Variants in HIPK1 observed in about 807,000 individuals in gnomAD.
The protein encoded by HIPK1 is homeodomain interacting protein kinase 1.
Under a neutral mutation model 117.1 loss-of-function variants are expected in HIPK1, and 28 were observed. The ratio of observed to expected loss-of-function variants is 0.24; its 90% CI spans 0.18 to 0.33. HIPK1 has a LOEUF of 0.33. Among genes scored for constraint, HIPK1 ranks in the 10% least tolerant of loss-of-function variants. The probability of loss-of-function intolerance (pLI) is 1.00; values close to 1 mark genes in which losing one functional copy is unlikely to be tolerated. For missense variants in HIPK1, 1,122 were observed against 1,475.1 expected, an observed-to-expected ratio of 0.76 and a Z score of 3.92; for synonymous variants, 605 against 562.5, an observed-to-expected ratio of 1.08 and a Z score of -1.07.
intron 8 of HIPK1, 44 bp from the exon 9 acceptor site, chr1:113,962,273 C>A: frequency 4.4e-6 from 7 of 1,601,778 alleles, no homozygotes; most frequent in Non-Finnish European, 6.0e-6. Context: ...AACAGTACTC[C>A]CAGACCTTGC....
At chr1:113,939,340 TTTGTTG>T (rs1553266111) in intron 1 of HIPK1, among the ~76,000 whole-genome samples, 1 of 140,962 alleles carries the variant, frequency 7.1e-6, no homozygotes, top group Non-Finnish European at 1.5e-5. Flanking sequence ...TTTTTTTTTT[TTTGTTG>T]TTGTTGTTGT....
In HIPK1 at chr1:113,940,509, T is replaced by C. The variant is rs1446892048; in HGVS notation, c.126T>C (p.Tyr42=). The C allele has an allele frequency of 1.2e-5, 20 of 1,613,980 alleles. No homozygotes were observed. The highest frequency in any genetic ancestry group is 2.2e-5 in the East Asian group (1 of 44,892). ...DVSGQSSNDK[Y]YTHSKTLPAT... ...CAGGACAGAGTAGCAACGACAAATA[T>C]TATACCCACAGCAAAACCCTCCCAG... Residue 42 remains tyrosine, a synonymous_variant, in exon 2 of 16, where the codon TAT becomes TAC. Transcript: ENST00000426820.
intron 10 of HIPK1, among the ~76,000 whole-genome samples, chr1:113,963,759 G>A (rs1571717142): frequency 6.6e-6 from 1 of 152,052 alleles, no homozygotes; most frequent in African/African-American, 2.4e-5. Flanking sequence ...TCTGACTGAT[G>A]GTTATGTGGC....
Position 113,962,408 on chromosome 1 carries a change from A to G in HIPK1, c.2073A>G (p.Pro691=). 6.2e-7 allele frequency: 1 copy of G among 1,613,970 alleles called. No individual in the cohort carries two copies. The highest frequency in any genetic ancestry group is 1.7e-4 in the Middle Eastern group (1 of 6,060). ...PIVPQAPAAQ[P]LQIQSGVLTQ... is the part of the protein sequence containing the mutation. ...TACCCCAGGCACCAGCTGCTCAGCCACTACAGATTCAGTCAGGAGTTCTCA... is the reference window on the plus strand; with the variant it reads ...TACCCCAGGCACCAGCTGCTCAGCCGCTACAGATTCAGTCAGGAGTTCTCA... The change falls in exon 9 of 16, where the codon CCA becomes CCG. Residue 691 remains proline (P), a synonymous_variant. Transcript: ENST00000426820.
At chr1:113,938,929 T>TACACAC (rs55979020) in intron 1 of HIPK1, among the ~76,000 whole-genome samples, 3,963 of 115,420 alleles carry the variant, frequency 0.034, 120 homozygotes, top group African/African-American at 0.059. Context: ...AAAAAAAAAA[T>TACACAC]ACACACACAC....
intron 2 of HIPK1, among the ~76,000 whole-genome samples, chr1:113,943,447 A>C (rs1391230993): frequency 6.6e-6 from 1 of 152,214 alleles, no homozygotes. Context: ...TCCATGCTGT[A>C]ACATGTATCA....
At chr1:113,940,175 G>A (rs797021048) in intron 1 of HIPK1, among the ~76,000 whole-genome samples, 9 of 152,196 alleles carry the variant, frequency 5.9e-5, no homozygotes, top group African/African-American at 2.2e-4. Context: ...CCTGAGCAGA[G>A]TGGATAATCT....
At position 113,963,482 on chromosome 1, in the gene HIPK1, C is replaced by T. The variant is rs765704874; in HGVS notation, c.2199C>T (p.Ala733=). ...YAVPFTLSCA[A]GRPALVEQTA... ...TGCCCTTTACTCTGAGCTGCGCAGC[C>T]GGCCGGCCGGCGCTGGTTGAACAGA... is the stretch of plus-strand genomic sequence containing the variant. Residue 733 remains alanine (A), a synonymous_variant, in exon 10 of 16, where the codon GCC becomes GCT. Transcript: ENST00000426820. 2.7e-5 allele frequency: 44 copies of T among 1,613,966 alleles called. No homozygotes were observed. The highest frequency in any genetic ancestry group is 1.6e-4 in the Middle Eastern group (1 of 6,084).
chr1:113,966,422 G>A (rs1196704527), intron 11 of HIPK1, 150 bp downstream of exon 11: 21 of 613,438 alleles, frequency 3.4e-5, no homozygotes, highest in Non-Finnish European at 5.2e-5. Context: ...CTAGGAGATG[G>A]TGTTATAAGA....
chr1:113,954,886 G>T, intron 4 of HIPK1, 116 bp downstream of exon 4: 1 of 949,852 alleles, frequency 1.1e-6, no homozygotes, highest in Non-Finnish European at 1.6e-6. Flanking sequence ...AGAGGGGGAA[G>T]CATTTTGAAA....
rs974932723 is a variant in HIPK1, at chr1:113,941,835, C to T, written c.1076+376C>T. 6.6e-6 allele frequency among the ~76,000 whole-genome samples: 1 copy of T among 152,172 alleles called. No individual in the cohort carries two copies. Among genetic ancestry groups the T allele is most frequent in the Non-Finnish European group, 1.5e-5 (1 of 68,030 alleles). On this transcript the variant is annotated intron_variant, in intron 2 of 15. Coordinates refer to ENST00000426820, the MANE Select transcript of HIPK1 (RefSeq NM_198268.3). The surrounding 1 kb of genome is among the most constrained non-coding windows in gnomAD (Gnocchi z 4.9). ...AGTGCAGTGGCGTGATATCAGCTCACTGCAAGCCCCACCTCCTGGGTTCAC... is the reference window on the plus strand; with the variant it reads ...AGTGCAGTGGCGTGATATCAGCTCATTGCAAGCCCCACCTCCTGGGTTCAC...
rs1341101551 is a variant in HIPK1 at position 113,973,149 on chromosome 1, A to G, written c.3270A>G (p.Leu1090=). The change falls in exon 16 of 16, where the codon CTA becomes CTG. Residue 1090 remains leucine (L), a synonymous_variant. Coordinates refer to ENST00000426820, the MANE Select transcript of HIPK1 (RefSeq NM_198268.3). ...ACACCTTCCAGCATGGCAGCCCGCT[A>G]CACTCGACAGGGCACCCACACCTTG... The part of the protein sequence containing the change: ...APYTFQHGSP[L]HSTGHPHLAP... 1.2e-6 allele frequency: 2 copies of G among 1,605,486 alleles called. No homozygotes were observed. The highest frequency in any genetic ancestry group is 2.7e-5 in the African/African-American group (2 of 74,858).
Position 113,976,256 on chromosome 1 carries a change from G to A in HIPK1, c.*2744G>A, listed in dbSNP as rs1375200637. On this transcript the variant is annotated 3_prime_UTR_variant, in exon 16 of 16. Transcript: ENST00000426820. ...CTATATTGGTCAAGATAGCCAAGCA[G>A]TTTGTATAATTTCTGTCACTAGTGT... 6.6e-6 allele frequency: 1 copy of A among 152,478 alleles called. No homozygotes were observed. Among genetic ancestry groups the A allele is most frequent in the East Asian group, 1.9e-4 (1 of 5,328 alleles). The allele number at this position is 152,478 out of a possible 1,614,324, so 9.4% of individuals were successfully genotyped here.
chr1:113,940,557 C>A lies in HIPK1; in HGVS notation c.174C>A (p.Ser58=), dbSNP rs756207640. Residue 58 remains serine, a synonymous_variant, in exon 2 of 16, where the codon TCC becomes TCA. Transcript: ENST00000426820. The part of the protein sequence containing the change: ...TLPATQGQAN[S]SHQVANFNIP... ...CAGCCACACAAGGGCAAGCCAACTCCTCTCACCAGGTAGCAAATTTCAACA... is the reference window on the plus strand; with the variant it reads ...CAGCCACACAAGGGCAAGCCAACTCATCTCACCAGGTAGCAAATTTCAACA... 6.2e-7 allele frequency: 1 copy of A among 1,614,190 alleles called. No homozygotes were observed. The highest frequency in any genetic ancestry group is 8.5e-7 in the Non-Finnish European group (1 of 1,180,040).
chr1:113,935,030 T>A (rs1000521447), intron 1 of HIPK1, among the ~76,000 whole-genome samples: 4 of 150,042 alleles, frequency 2.7e-5, no homozygotes, highest in East Asian at 1.9e-4. Flanking sequence ...TTTTTTTTTT[T>A]AAACCTTTAT....
chr1:113,947,231 T>C (rs936442944), intron 2 of HIPK1, among the ~76,000 whole-genome samples: 5 of 152,152 alleles, frequency 3.3e-5, no homozygotes, highest in African/African-American at 1.2e-4. Flanking sequence ...TCACTGTAAA[T>C]GTGCACAGAC....
intron 10 of HIPK1, among the ~76,000 whole-genome samples, chr1:113,964,314 A>G (rs554303524): frequency 6.6e-6 from 1 of 152,358 alleles, no homozygotes; most frequent in Admixed American, 6.5e-5. Context: ...CTTTGTTATT[A>G]AAAGTCATGG....
At chr1:113,933,179 C>T in intron 1 of HIPK1, 2 of 985,152 alleles carry the variant, frequency 2.0e-6, no homozygotes, top group Non-Finnish European at 2.4e-6. Flanking sequence ...GATTTTGATA[C>T]AAAGCAACAG....
rs1553266736 is a variant in HIPK1 at position 113,941,753 on chromosome 1, T to TTTA, written c.1076+296_1076+297insATT. On this transcript the variant is annotated intron_variant, in intron 2 of 15. Coordinates refer to ENST00000426820, the MANE Select transcript of HIPK1 (RefSeq NM_198268.3). This position sits in a 1 kb window ranked among gnomAD's most constrained non-coding sequence, Gnocchi z 4.9. ...TTACCTCATTTTCCCATTTTATTTA[T>TTTA]TTTATTTATTTATTTATTTATTTAG... Among the ~76,000 whole-genome samples the TTTA allele has an allele frequency of 4.6e-5, 7 of 151,926 alleles. No individual in the cohort carries two copies. In the East Asian group the frequency reaches 1.3e-3, roughly 29 times the overall value.
Sources: allele counts gnomAD v4.1 joint callset (sites outside exome capture counted in the v4.1 genomes callset), GRCh38; gene constraint gnomAD v4.1.1; non-coding constraint Gnocchi (gnomAD v3.1); transcripts MANE v1.5; gene names NCBI Gene and HGNC (gene_info 2026-07-23, HGNC 2026-07-21).